STAG1: variants seen among roughly 807,000 people sequenced by gnomAD.
STAG1 encodes cohesin subunit SA-1.
In STAG1, 26 loss-of-function variants were observed where a neutral mutation model predicts 170.9. The ratio of observed to expected loss-of-function variants is 0.15; its 90% CI spans 0.11 to 0.21. The LOEUF (loss-of-function observed/expected upper bound fraction) is 0.21, where lower values mean the gene tolerates loss of function less well. STAG1 is among the 10% of genes least tolerant of loss of function. STAG1 has a pLI of 1.00. For synonymous variants in STAG1, 514 were observed against 497.7 expected, an observed-to-expected ratio of 1.03 and a Z score of -0.44; for missense variants, 964 against 1,509.5, an observed-to-expected ratio of 0.64 and a Z score of 5.99.
intron 1 of STAG1, among the ~76,000 whole-genome samples, chr3:136,667,700 T>C (rs2107871894): frequency 6.6e-6 from 1 of 152,218 alleles, no homozygotes; most frequent in South Asian, 2.1e-4. Context: ...TTCACCATGT[T>C]GGCCAGGGTG....
chr3:136,657,755 C>T (rs1366551559), intron 1 of STAG1, among the ~76,000 whole-genome samples: 1 of 152,058 alleles, frequency 6.6e-6, no homozygotes, highest in Non-Finnish European at 1.5e-5. Flanking sequence ...CTGGAAGGCA[C>T]AGGTTGCAGT....
chr3:136,387,963 G>A (rs571091915), intron 22 of STAG1, among the ~76,000 whole-genome samples: 75 of 152,290 alleles, frequency 4.9e-4, no homozygotes, highest in Non-Finnish European at 3.2e-4. Flanking sequence ...CAAAAATTCA[G>A]ATGGAGGACT....
At chr3:136,478,256 G>C (rs1295816543) in intron 9 of STAG1, among the ~76,000 whole-genome samples, 1 of 152,190 alleles carries the variant, frequency 6.6e-6, no homozygotes, top group Non-Finnish European at 1.5e-5. Flanking sequence ...ATACTGCGAA[G>C]TCATGGCAGA....
chr3:136,404,863 ATGTGTGTGTGTGTG>A (rs34596713), intron 21 of STAG1, among the ~76,000 whole-genome samples: 3 of 149,010 alleles, frequency 2.0e-5, no homozygotes, highest in South Asian at 2.1e-4. Flanking sequence ...TTATGCATAT[ATGTGTGTGTGTGTG>A]TGTGTGTGTG....
At chr3:136,714,999 ATAT>A (rs1943497354) in intron 1 of STAG1, among the ~76,000 whole-genome samples, 1 of 112,300 alleles carries the variant, frequency 8.9e-6, no homozygotes, top group Non-Finnish European at 2.0e-5. Context: ...TATTTTATAT[ATAT>A]AATATATATA....
chr3:136,448,550 C>T (rs1162790491), intron 14 of STAG1, among the ~76,000 whole-genome samples: 1 of 152,172 alleles, frequency 6.6e-6, no homozygotes, highest in African/African-American at 2.4e-5. Flanking sequence ...TTATCTCCAC[C>T]TGGTCCCACC....
intron 24 of STAG1, 59 bp downstream of exon 24, chr3:136,369,049 C>T (rs1937191807): frequency 7.3e-7 from 1 of 1,361,784 alleles, no homozygotes; most frequent in South Asian, 1.9e-5. Context: ...TTTCTTTTCT[C>T]CTATCTTTTG....
chr3:136,621,992 G>GA (rs11360539), intron 3 of STAG1, among the ~76,000 whole-genome samples: 3,735 of 121,424 alleles, frequency 0.031, 112 homozygotes, highest in African/African-American at 0.079. Context: ...TGGTGGTGTG[G>GA]AAAAAAAAAA....
At chr3:136,568,152 T>A (rs1937149093) in intron 5 of STAG1, among the ~76,000 whole-genome samples, 1 of 152,140 alleles carries the variant, frequency 6.6e-6, no homozygotes, top group Non-Finnish European at 1.5e-5. Context: ...TATTCTTCTG[T>A]ATTCACAAGC....
chr3:136,477,015 A>G (rs1226617203), intron 10 of STAG1, among the ~76,000 whole-genome samples: 6 of 152,334 alleles, frequency 3.9e-5, no homozygotes, highest in Middle Eastern at 6.8e-3. Context: ...GAAAAAGAAT[A>G]TAATGATTTT....
At chr3:136,477,632 C>A (rs543132283) in intron 9 of STAG1, among the ~76,000 whole-genome samples, 2 of 152,104 alleles carry the variant, frequency 1.3e-5, no homozygotes, top group East Asian at 3.9e-4. Context: ...CTATTTTGAC[C>A]CAATTACTCT....
intron 1 of STAG1, among the ~76,000 whole-genome samples, chr3:136,666,336 T>A (rs957989940): frequency 6.6e-6 from 1 of 152,102 alleles, no homozygotes; most frequent in African/African-American, 2.4e-5. Flanking sequence ...AGACCTTGCC[T>A]AGCCCTCTGA....
intron 10 of STAG1, among the ~76,000 whole-genome samples, chr3:136,474,947 A>ATAGC (rs1212220857): frequency 6.6e-6 from 1 of 152,024 alleles, no homozygotes; most frequent in African/African-American, 2.4e-5. Context: ...GTTGAGGCCC[A>ATAGC]TAGCCAGTAA....
At chr3:136,548,101 G>A (rs2107734239) in intron 5 of STAG1, among the ~76,000 whole-genome samples, 1 of 151,614 alleles carries the variant, frequency 6.6e-6, no homozygotes, top group South Asian at 2.1e-4. Context: ...TCATACTAGT[G>A]CCAAACTGTT....
intron 1 of STAG1, among the ~76,000 whole-genome samples, chr3:136,751,698 G>A (rs902535777): frequency 6.6e-6 from 1 of 152,002 alleles, no homozygotes; most frequent in Non-Finnish European, 1.5e-5. Context: ...ATGTGACGCC[G>A]CCGCCGCTAA....
At chr3:136,364,676 T>C (rs934394023) in intron 25 of STAG1, among the ~76,000 whole-genome samples, 6 of 152,216 alleles carry the variant, frequency 3.9e-5, no homozygotes, top group Admixed American at 3.9e-4. Context: ...GGAAAAGTTA[T>C]AATTCAGTTT....
chr3:136,481,768 G>GA, intron 9 of STAG1, among the ~76,000 whole-genome samples: 1 of 98,022 alleles, frequency 1.0e-5, no homozygotes, highest in African/African-American at 3.9e-5. Context: ...GCCTGTTATT[G>GA]GTCTATTCAG....
At chr3:136,735,428 G>A (rs1248141839) in intron 1 of STAG1, among the ~76,000 whole-genome samples, 1 of 150,976 alleles carries the variant, frequency 6.6e-6, no homozygotes, top group Admixed American at 6.6e-5. Context: ...GCCCAGCCTT[G>A]CCTCTGCATT....
rs1385075070 is a variant in STAG1 at position 136,500,159 on chromosome 3, C to T, written c.902+64G>A. The T allele has an allele frequency of 5.5e-6, 6 of 1,083,192 alleles. No homozygotes were observed. In the African/African-American group the frequency reaches 6.4e-5, roughly 12 times the overall value. The allele number at this position is 1,083,192 out of a possible 1,614,324, so 67.1% of individuals were successfully genotyped here. A position where few individuals can be genotyped will look rare whatever the true frequency, so the allele number is the denominator to read the frequency against. On this transcript the variant is annotated intron_variant, in intron 9 of 33. Coordinates refer to ENST00000383202, the MANE Select transcript of STAG1 (RefSeq NM_005862.3). ...TAGTGAGTTTTACAGTTAGCCTGGG[C>T]CACAAAAAAAATCAATAATTGTTTA... is the stretch of plus-strand genomic sequence containing the variant.
Sources: allele counts gnomAD v4.1 joint callset (sites outside exome capture counted in the v4.1 genomes callset), GRCh38; gene constraint gnomAD v4.1.1; transcripts MANE v1.5; gene names NCBI Gene and HGNC (gene_info 2026-07-23, HGNC 2026-07-21).